The following CCL28 variants were observed in gnomAD, a reference collection of about 807,000 sequenced individuals.
CCL28 encodes C-C motif chemokine ligand 28, also known as C-C motif chemokine 28.
Under a neutral mutation model 7.1 loss-of-function variants are expected in CCL28, and 4 were observed. That is an observed-to-expected ratio of 0.56 (90% CI 0.28 to 1.29). CCL28 has a LOEUF of 1.29. CCL28 is among the 50% of genes most tolerant of loss of function. The probability of loss-of-function intolerance (pLI) is 0.11; values close to 1 mark genes in which losing one functional copy is unlikely to be tolerated. For synonymous variants in CCL28, 55 were observed against 57.8 expected (o/e 0.95, Z 0.22); for missense variants, 151 against 163.4 (o/e 0.92, Z 0.41).
At chr5:43,402,773 G>A (rs868588162) in intron 1 of CCL28, among the ~76,000 whole-genome samples, 2 of 152,192 alleles carry the variant, frequency 1.3e-5, no homozygotes, top group African/African-American at 2.4e-5. Context: ...AAGGGAAGCC[G>A]TGACAGACAG....
intron 2 of CCL28, among the ~76,000 whole-genome samples, chr5:43,384,778 C>T (rs994916760): frequency 2.6e-5 from 4 of 152,132 alleles, no homozygotes; most frequent in East Asian, 1.9e-4. Flanking sequence ...AACACAACAA[C>T]GCCTCACAAC....
chr5:43,373,611 A>G (rs549480624), downstream of CCL28, among the ~76,000 whole-genome samples: 3 of 152,176 alleles, frequency 2.0e-5, no homozygotes, highest in Admixed American at 2.0e-4. Flanking sequence ...AACACTTGAT[A>G]TTTTTATCTT....
At chr5:43,363,045 A>C in the CCL28 span, among the ~76,000 whole-genome samples, 1 of 152,200 alleles carries the variant, frequency 6.6e-6, no homozygotes, top group Admixed American at 6.6e-5. Flanking sequence ...ATTCATTGCA[A>C]ATCAGTTTAC....
At chr5:43,370,279 CAT>C in the CCL28 span, among the ~76,000 whole-genome samples, 6 of 152,304 alleles carry the variant, frequency 3.9e-5, no homozygotes, top group Admixed American at 1.3e-4. Flanking sequence ...AATACATAAA[CAT>C]GTGTTCAGTG....
At chr5:43,406,994 A>T (rs1350222531) in intron 1 of CCL28, among the ~76,000 whole-genome samples, 2 of 152,256 alleles carry the variant, frequency 1.3e-5, no homozygotes, top group Admixed American at 6.5e-5. Flanking sequence ...ATAAAAGAGG[A>T]TACAAAGAAA....
the CCL28 span, among the ~76,000 whole-genome samples, chr5:43,359,717 G>C: frequency 7.2e-5 from 11 of 152,110 alleles, no homozygotes; most frequent in African/African-American, 2.7e-4. Context: ...GAGATCACAA[G>C]ATTTGTAACT....
chr5:43,397,456 G>A (rs1195683469), intron 1 of CCL28, among the ~76,000 whole-genome samples: 2 of 151,672 alleles, frequency 1.3e-5, no homozygotes, highest in African/African-American at 4.9e-5. Context: ...AACACTTGGG[G>A]TTATGTTTTC....
At chr5:43,375,999 C>T (rs914479522), downstream of CCL28, among the ~76,000 whole-genome samples, 4 of 152,224 alleles carry the variant, frequency 2.6e-5, no homozygotes, top group Non-Finnish European at 5.9e-5. Flanking sequence ...TGTGCCATTG[C>T]ACTCCAGCCT....
At chr5:43,373,061 A>G (rs1739821133), downstream of CCL28, among the ~76,000 whole-genome samples, 1 of 152,048 alleles carries the variant, frequency 6.6e-6, no homozygotes, top group African/African-American at 2.4e-5. Flanking sequence ...TCGGCCTCCC[A>G]AAGTGCTGAG....
intron 1 of CCL28, among the ~76,000 whole-genome samples, chr5:43,402,014 G>A (rs1428718663): frequency 1.3e-5 from 2 of 152,156 alleles, no homozygotes; most frequent in Non-Finnish European, 2.9e-5. Flanking sequence ...ACCCCTACAG[G>A]CAGGTTTGTA....
Position 43,381,810 on chromosome 5 carries a change from T to C in CCL28, c.*50A>G. 6.9e-7 allele frequency: 1 copy of C among 1,451,056 alleles called. No homozygotes were observed. Among genetic ancestry groups the C allele is most frequent in the Non-Finnish European group, 9.5e-7 (1 of 1,053,332 alleles). The allele number at this position is 1,451,056 out of a possible 1,614,324, so 89.9% of individuals were successfully genotyped here. A position where few individuals can be genotyped will look rare whatever the true frequency, so the allele number is the denominator to read the frequency against. ...CAGATGATAAACTTACAACCAATCA[T>C]GGCCAAGTCCACTTGAGGAATTGTC... On this transcript the variant is annotated 3_prime_UTR_variant, in exon 3 of 3. Transcript: ENST00000361115.
the CCL28 span, among the ~76,000 whole-genome samples, chr5:43,358,454 T>G: frequency 4.6e-5 from 7 of 152,228 alleles, no homozygotes; most frequent in African/African-American, 7.2e-5. Context: ...CTGGCCTGTT[T>G]GAAGATTTGG....
chr5:43,389,706 T>C (rs994896693), intron 1 of CCL28, among the ~76,000 whole-genome samples: 3 of 152,184 alleles, frequency 2.0e-5, no homozygotes, highest in African/African-American at 7.2e-5. Flanking sequence ...CAAATATTAA[T>C]ATAAACGTAG....
At chr5:43,409,847 A>G (rs1045738875) in intron 1 of CCL28, among the ~76,000 whole-genome samples, 3 of 152,046 alleles carry the variant, frequency 2.0e-5, no homozygotes, top group Non-Finnish European at 1.5e-5. Context: ...CCGAAACAGG[A>G]TGATAGACAT....
intron 1 of CCL28, among the ~76,000 whole-genome samples, chr5:43,395,727 G>A (rs1260468243): frequency 6.6e-6 from 1 of 152,066 alleles, no homozygotes; most frequent in African/African-American, 2.4e-5. Context: ...AGTTTATTAA[G>A]AAAGCAAAGG....
chr5:43,384,975 C>T (rs1198884065), intron 2 of CCL28, among the ~76,000 whole-genome samples: 1 of 151,822 alleles, frequency 6.6e-6, no homozygotes, highest in Non-Finnish European at 1.5e-5. Flanking sequence ...TGGCTCACTG[C>T]AGGCTCCGCC....
At chr5:43,396,390 T>TG (rs1206932681) in intron 1 of CCL28, among the ~76,000 whole-genome samples, 1 of 152,226 alleles carries the variant, frequency 6.6e-6, no homozygotes, top group African/African-American at 2.4e-5. Context: ...TGTCATCCTG[T>TG]GACTTAGATG....
At chr5:43,395,646 C>T (rs1740765565) in intron 1 of CCL28, among the ~76,000 whole-genome samples, 4 of 152,000 alleles carry the variant, frequency 2.6e-5, no homozygotes, top group South Asian at 4.1e-4. Context: ...CCCATCCAGA[C>T]GCCAAGAGAG....
chr5:43,388,410 T>A lies in CCL28; in HGVS notation c.131A>T (p.Glu44Val), dbSNP rs762144412. The change falls in exon 2 of 3, where the codon GAA becomes GTA. Residue 44 changes from glutamate to valine, a missense_variant. Glu to Val is a moderately radical substitution (Grantham distance 121). Transcript: ENST00000361115. Reference protein sequence around the residue: ...VSHHISRRLLERVNMCRIQRA... With the variant: ...VSHHISRRLLVRVNMCRIQRA... ...CTGGATGCGACACATATTCACTCTT[T>A]CCAGGAGCCTTCTGGAAATATGATG... 1 of 1,614,122 alleles carries A rather than the reference T, an allele frequency of 6.2e-7. No individual in the cohort carries two copies. Among genetic ancestry groups the A allele is most frequent in the Non-Finnish European group, 8.5e-7 (1 of 1,180,012 alleles).
Sources: allele counts gnomAD v4.1 joint callset (sites outside exome capture counted in the v4.1 genomes callset), GRCh38; gene constraint gnomAD v4.1.1; transcripts MANE v1.5; gene names NCBI Gene and HGNC (gene_info 2026-07-23, HGNC 2026-07-21).